The following HBEGF variants were observed in gnomAD, a reference collection of about 807,000 sequenced individuals.
HBEGF encodes heparin binding EGF like growth factor, also known as proheparin-binding EGF-like growth factor.
Under a neutral mutation model 19.5 loss-of-function variants are expected in HBEGF, and 8 were observed. The ratio of observed to expected loss-of-function variants is 0.41; its 90% CI spans 0.24 to 0.74. The LOEUF (loss-of-function observed/expected upper bound fraction) is 0.74. Ranked by LOEUF, HBEGF falls within the 30% of genes least tolerant of loss-of-function variation. HBEGF has a pLI of 0.32. For missense variants in HBEGF, 207 were observed against 256.9 expected, an observed-to-expected ratio of 0.81 and a Z score of 1.33; for synonymous variants, 97 against 108.9, an observed-to-expected ratio of 0.89 and a Z score of 0.68.
At chr5:140,339,654 A>G (rs576244498) in intron 3 of HBEGF, among the ~76,000 whole-genome samples, 8 of 152,132 alleles carry the variant, frequency 5.3e-5, no homozygotes, top group Admixed American at 3.3e-4. Context: ...TCGGCCTCCC[A>G]AAGTGCTGTG....
intron 4 of HBEGF, 83 bp from the exon 5 acceptor site, chr5:140,334,831 C>T: frequency 8.9e-7 from 1 of 1,118,352 alleles, no homozygotes; most frequent in South Asian, 1.2e-5. Flanking sequence ...AAGAACTCTG[C>T]CATGGTGGTT....
intron 2 of HBEGF, among the ~76,000 whole-genome samples, chr5:140,344,002 G>A (rs1174854457): frequency 6.6e-6 from 1 of 152,242 alleles, no homozygotes. Flanking sequence ...GCCGGGCGTG[G>A]TGGTGTGTGC....
At chr5:140,344,497 T>G (rs1022690337) in intron 2 of HBEGF, among the ~76,000 whole-genome samples, 1 of 152,176 alleles carries the variant, frequency 6.6e-6, no homozygotes, top group African/African-American at 2.4e-5. Flanking sequence ...ACATATCAAG[T>G]GCCTAGAACA....
intron 2 of HBEGF, among the ~76,000 whole-genome samples, chr5:140,344,669 T>A (rs1766366698): frequency 6.6e-6 from 1 of 151,770 alleles, no homozygotes; most frequent in Non-Finnish European, 1.5e-5. Flanking sequence ...CCAGGCCCCC[T>A]CAGAGCTCAG....
At chr5:140,336,780 T>C (rs1412767114) in intron 3 of HBEGF, among the ~76,000 whole-genome samples, 1 of 151,810 alleles carries the variant, frequency 6.6e-6, no homozygotes, top group African/African-American at 2.4e-5. Flanking sequence ...TTGGCTCTTC[T>C]CACTCAAGAA....
At chr5:140,334,805 AG>A in intron 4 of HBEGF, 57 bp from the exon 5 acceptor site, 1 of 1,343,704 alleles carries the variant, frequency 7.4e-7, no homozygotes, top group Non-Finnish European at 1.1e-6. Context: ...GTGCAGGTCC[AG>A]AGCAGGTCCT....
chr5:140,338,431 G>A (rs1766259774), intron 3 of HBEGF, among the ~76,000 whole-genome samples: 1 of 152,182 alleles, frequency 6.6e-6, no homozygotes. Flanking sequence ...CAGCAGTCTG[G>A]ATGACTTCAG....
At chr5:140,336,811 C>T (rs938345299) in intron 3 of HBEGF, among the ~76,000 whole-genome samples, 7 of 151,192 alleles carry the variant, frequency 4.6e-5, no homozygotes, top group African/African-American at 1.7e-4. Flanking sequence ...TGGCAACTGC[C>T]TTTTCTTTTT....
At chr5:140,334,419 A>C in intron 5 of HBEGF, 139 bp from the exon 6 acceptor site, 2 of 490,948 alleles carry the variant, frequency 4.1e-6, no homozygotes, top group East Asian at 3.3e-5. Flanking sequence ...AGGGGAGGGG[A>C]AGGGAGGGGA....
intron 4 of HBEGF, chr5:140,335,238 G>A (rs889389026): frequency 6.3e-6 from 1 of 158,602 alleles, no homozygotes; most frequent in African/African-American, 2.4e-5. Context: ...GAAAAAATTA[G>A]CTGGGTGTGG....
intron 3 of HBEGF, among the ~76,000 whole-genome samples, chr5:140,340,714 C>T (rs1000239516): frequency 6.6e-6 from 1 of 151,832 alleles, no homozygotes; most frequent in African/African-American, 2.4e-5. Context: ...GAATAAGAGA[C>T]CTCTAGGACA....
At chr5:140,335,316 G>A (rs963586449) in intron 4 of HBEGF, among the ~76,000 whole-genome samples, 17 of 149,768 alleles carry the variant, frequency 1.1e-4, no homozygotes, top group South Asian at 8.6e-4. Context: ...CCCAGGAGGC[G>A]GAGTTTGCAG....
intron 3 of HBEGF, among the ~76,000 whole-genome samples, chr5:140,336,237 C>T (rs1295619064): frequency 6.6e-6 from 1 of 152,190 alleles, no homozygotes; most frequent in Non-Finnish European, 1.5e-5. Flanking sequence ...TCACTTGACA[C>T]CCTCCCCTTT....
In HBEGF at chr5:140,346,133, C is replaced by A; in HGVS notation, c.47-49G>T. 3 of 1,585,728 alleles carry A rather than the reference C, an allele frequency of 1.9e-6. No individual in the cohort carries two copies. Among genetic ancestry groups the A allele is most frequent in the South Asian group, 1.1e-5 (1 of 88,976 alleles). On this transcript the variant is annotated intron_variant, in intron 1 of 5. Transcript: ENST00000230990. This position sits in a 1 kb window ranked among gnomAD's most constrained non-coding sequence, Gnocchi z 6.1. ...ATCAGACACCCGCCCAGACCCCTGA[C>A]CAACACGCACCGATGCCGACGCCCG...
In HBEGF at chr5:140,346,242, C is replaced by A. The variant is rs1255392156; in HGVS notation, c.46+41G>T. ...TCCCCCATGCCCCCAGCACAACGCC[C>A]CCATCCCCCCGATCTCCGGGGGCGT... On this transcript the variant is annotated intron_variant, in intron 1 of 5. Coordinates refer to ENST00000230990, the MANE Select transcript of HBEGF (RefSeq NM_001945.3). The surrounding 1 kb of genome is among the most constrained non-coding windows in gnomAD (Gnocchi z 6.1). 6.3e-7 allele frequency: 1 copy of A among 1,582,762 alleles called. No homozygotes were observed. Among genetic ancestry groups the A allele is most frequent in the Non-Finnish European group, 8.6e-7 (1 of 1,166,042 alleles).
At position 140,342,617 on chromosome 5, in the gene HBEGF, TG is replaced by T; in HGVS notation, c.398+17del. ...AAAGTGTGCTGATGAGATTCAGCCC[TG>T]GGGAAGGGGCACTTACATGCAGGAG... On this transcript the variant is annotated intron_variant, in intron 3 of 5. Transcript: ENST00000230990. 6.2e-7 allele frequency: 1 copy of T among 1,612,892 alleles called. No homozygotes were observed. Among genetic ancestry groups the T allele is most frequent in the Non-Finnish European group, 8.5e-7 (1 of 1,179,074 alleles).
Position 140,336,029 on chromosome 5 carries a change from T to C in HBEGF, c.399-2A>G. Reference sequence around the variant, plus strand: ...TCTCCATGGTAACCCGGGTGGCAGCTAGTTCAAGACAGAACAAGAAGGAGA... The same window carrying C: ...TCTCCATGGTAACCCGGGTGGCAGCCAGTTCAAGACAGAACAAGAAGGAGA... On this transcript the variant is annotated splice_acceptor_variant, in intron 3 of 5. Transcript: ENST00000230990. LOFTEE classifies it high-confidence loss of function. 6.2e-7 allele frequency: 1 copy of C among 1,613,678 alleles called. No individual in the cohort carries two copies. The highest frequency in any genetic ancestry group is 8.5e-7 in the Non-Finnish European group (1 of 1,179,780).
chr5:140,337,755 C>T (rs1164277181), intron 3 of HBEGF, among the ~76,000 whole-genome samples: 1 of 152,190 alleles, frequency 6.6e-6, no homozygotes, highest in Non-Finnish European at 1.5e-5. Flanking sequence ...GCACAGTCCA[C>T]AGTTCCTTGC....
At chr5:140,338,957 T>C (rs1390607744) in intron 3 of HBEGF, among the ~76,000 whole-genome samples, 3 of 152,250 alleles carry the variant, frequency 2.0e-5, no homozygotes, top group Non-Finnish European at 2.9e-5. Context: ...CTGCTATTTC[T>C]AGCCAGGTAA....
Sources: allele counts gnomAD v4.1 joint callset (sites outside exome capture counted in the v4.1 genomes callset), GRCh38; gene constraint gnomAD v4.1.1; non-coding constraint Gnocchi (gnomAD v3.1); transcripts MANE v1.5; gene names NCBI Gene and HGNC (gene_info 2026-07-23, HGNC 2026-07-21).